PELI2: variants seen among roughly 807,000 people sequenced by gnomAD.
PELI2 encodes pellino E3 ubiquitin protein ligase family member 2.
A neutral mutation model predicts 42.3 loss-of-function variants in PELI2; 23 were observed. That is an observed-to-expected ratio of 0.54 (90% CI 0.39 to 0.77). The LOEUF is 0.77. PELI2 is among the 30% of genes least tolerant of loss of function. PELI2 has a pLI of 0.00. For synonymous variants in PELI2, 245 were observed against 212.2 expected (o/e 1.15, Z -1.34); for missense variants, 463 against 553.2 (o/e 0.84, Z 1.64).
At chr14:56,200,542 G>A (rs1003593845) in intron 2 of PELI2, among the ~76,000 whole-genome samples, 3 of 152,118 alleles carry the variant, frequency 2.0e-5, no homozygotes, top group African/African-American at 4.8e-5. Context: ...TGGAAATGAC[G>A]ACCAAGAAGG....
At chr14:56,158,500 C>T (rs1015719228) in intron 1 of PELI2, among the ~76,000 whole-genome samples, 6 of 152,064 alleles carry the variant, frequency 3.9e-5, no homozygotes, top group East Asian at 1.9e-4. Context: ...TGCCACCACA[C>T]CTGGCTAATT....
intron 1 of PELI2, among the ~76,000 whole-genome samples, chr14:56,143,288 T>C (rs1883984109): frequency 6.6e-6 from 1 of 152,256 alleles, no homozygotes; most frequent in Non-Finnish European, 1.5e-5. Flanking sequence ...GTTCTTAGTG[T>C]ATCACAGCAG....
intron 1 of PELI2, among the ~76,000 whole-genome samples, chr14:56,135,672 T>C (rs1883662634): frequency 6.6e-6 from 1 of 152,220 alleles, no homozygotes; most frequent in South Asian, 2.1e-4. Context: ...TTTTTCAAAA[T>C]CTGGAACTGT....
intron 2 of PELI2, among the ~76,000 whole-genome samples, chr14:56,233,343 A>T (rs76849235): frequency 6.6e-6 from 1 of 151,982 alleles, no homozygotes; most frequent in Non-Finnish European, 1.5e-5. Flanking sequence ...CAAGCTACCT[A>T]ACTTCAAACT....
intron 2 of PELI2, among the ~76,000 whole-genome samples, chr14:56,217,012 T>A (rs1213596319): frequency 2.0e-5 from 3 of 152,198 alleles, no homozygotes; most frequent in Admixed American, 6.5e-5. Flanking sequence ...TATTTTTTTT[T>A]AAACATTCAC....
At chr14:56,266,134 A>C (rs1233152872) in intron 2 of PELI2, among the ~76,000 whole-genome samples, 1 of 152,100 alleles carries the variant, frequency 6.6e-6, no homozygotes, top group Non-Finnish European at 1.5e-5. Context: ...AATATTTCTA[A>C]ACATAAAGCC....
intron 2 of PELI2, among the ~76,000 whole-genome samples, chr14:56,235,592 C>G (rs1220808961): frequency 6.6e-6 from 1 of 152,256 alleles, no homozygotes; most frequent in Non-Finnish European, 1.5e-5. Flanking sequence ...TATGCAGGGG[C>G]TGGCCCTGCC....
At chr14:56,256,722 T>G (rs1433352803) in intron 2 of PELI2, among the ~76,000 whole-genome samples, 1 of 152,178 alleles carries the variant, frequency 6.6e-6, no homozygotes, top group Non-Finnish European at 1.5e-5. Context: ...GTTAACCTAG[T>G]GTAGATCCTC....
chr14:56,241,731 A>C (rs1054716857), intron 2 of PELI2, among the ~76,000 whole-genome samples: 70 of 152,294 alleles, frequency 4.6e-4, no homozygotes, highest in Admixed American at 1.3e-4. Flanking sequence ...TTTGATTTAA[A>C]CGATCGGGAA....
intron 2 of PELI2, among the ~76,000 whole-genome samples, chr14:56,193,114 C>T (rs1418933057): frequency 6.6e-6 from 1 of 152,152 alleles, no homozygotes; most frequent in African/African-American, 2.4e-5. Context: ...AGGGAGATGA[C>T]TTACAAATTG....
At chr14:56,199,033 G>A (rs145594167) in intron 2 of PELI2, among the ~76,000 whole-genome samples, 22 of 152,180 alleles carry the variant, frequency 1.4e-4, no homozygotes, top group African/African-American at 5.3e-4. Context: ...TTTTCAAAGA[G>A]CCAGCTTATG....
At chr14:56,234,937 CAG>C (rs2139779793) in intron 2 of PELI2, among the ~76,000 whole-genome samples, 1 of 152,200 alleles carries the variant, frequency 6.6e-6, no homozygotes, top group Non-Finnish European at 1.5e-5. Flanking sequence ...AACCTGGTAA[CAG>C]GGACTAGGAA....
intron 2 of PELI2, among the ~76,000 whole-genome samples, chr14:56,205,682 T>C (rs1886492701): frequency 6.6e-6 from 1 of 152,202 alleles, no homozygotes; most frequent in South Asian, 2.1e-4. Context: ...ATAGTGTTTA[T>C]GTGGAGCTGA....
chr14:56,128,872 G>T (rs1455887535), intron 1 of PELI2, among the ~76,000 whole-genome samples: 1 of 152,134 alleles, frequency 6.6e-6, no homozygotes, highest in African/African-American at 2.4e-5. Context: ...TACAGTAGGG[G>T]ACAAAATTTG....
At chr14:56,160,498 T>C (rs1346020575) in intron 1 of PELI2, among the ~76,000 whole-genome samples, 1 of 151,926 alleles carries the variant, frequency 6.6e-6, no homozygotes, top group Non-Finnish European at 1.5e-5. Flanking sequence ...AACATGGGAG[T>C]GGTACTGTGT....
chr14:56,212,560 T>C (rs1207475397), intron 2 of PELI2, among the ~76,000 whole-genome samples: 1 of 152,178 alleles, frequency 6.6e-6, no homozygotes, highest in Non-Finnish European at 1.5e-5. Context: ...GTATGAGGCT[T>C]TCTGAGGACA....
chr14:56,290,752 A>G (rs939637162), intron 5 of PELI2, among the ~76,000 whole-genome samples: 1 of 152,246 alleles, frequency 6.6e-6, no homozygotes, highest in Non-Finnish European at 1.5e-5. Flanking sequence ...AATTCACTTT[A>G]AGGAGAAGAA....
At chr14:56,160,153 C>T (rs193283486) in intron 1 of PELI2, among the ~76,000 whole-genome samples, 1 of 152,052 alleles carries the variant, frequency 6.6e-6, no homozygotes, top group African/African-American at 2.4e-5. Flanking sequence ...AGTGCTTGCC[C>T]AGGGATTAGT....
chr14:56,296,687 T>C lies in PELI2; in HGVS notation c.784T>C (p.Phe262Leu), dbSNP rs750538527. The change falls in exon 6 of 6, where the codon TTT becomes CTT. Residue 262 changes from phenylalanine to leucine, a missense_variant. Coordinates refer to ENST00000267460, the MANE Select transcript of PELI2 (RefSeq NM_021255.3). ...CCTCTGGAGAACAGCAGATGGGCTT[T>C]TTCATACTCCAACTCAGAAGCACAT... ...TLLWRTADGL[F>L]HTPTQKHIEA... is the part of the protein sequence containing the mutation. 1.4e-5 allele frequency: 23 copies of C among 1,614,020 alleles called. 1 individual carries two copies. The East Asian group carries it at 4.9e-4, about 34-fold the overall frequency.
Sources: gnomAD v4.1 joint callset for allele counts (sites outside exome capture counted in the v4.1 genomes callset) on GRCh38, gnomAD v4.1.1 for gene constraint, MANE v1.5 for transcripts, NCBI Gene and HGNC (gene_info 2026-07-23, HGNC 2026-07-21) for gene names.